SIPA1L3: variants seen among roughly 807,000 people sequenced by gnomAD.
The protein encoded by SIPA1L3 is signal induced proliferation associated 1 like 3.
A neutral mutation model predicts 150.1 loss-of-function variants in SIPA1L3; 59 were observed. That is an observed-to-expected ratio of 0.39 (90% CI 0.32 to 0.49). SIPA1L3 has a LOEUF of 0.49. Ranked by LOEUF, SIPA1L3 falls within the 20% of genes least tolerant of loss-of-function variation. The pLI is 0.86. For missense variants in SIPA1L3, 2,211 were observed against 2,489.5 expected (o/e 0.89, Z 2.38); for synonymous variants, 1,070 against 1,077.6 (o/e 0.99, Z 0.14).
chr19:37,962,006 A>G (rs1457962719), intron 1 of SIPA1L3, among the ~76,000 whole-genome samples: 2 of 151,478 alleles, frequency 1.3e-5, no homozygotes, highest in Admixed American at 6.6e-5. Context: ...ATGTTATTTT[A>G]TTTATCTTTG....
rs145081278 is a variant in SIPA1L3 at position 38,002,600 on chromosome 19, G to A, written c.-378-26489G>A. Among the ~76,000 whole-genome samples the A allele has an allele frequency of 2.9e-3, 435 of 151,380 alleles. 17 individuals carry two copies. The East Asian group carries it at 0.078, about 27-fold the overall frequency. ...ATACAAAAATTAGCTGGGAGTGGTG[G>A]CGTGCGCCTGTAATCCCAGGAGGCA... On this transcript the variant is annotated intron_variant, in intron 1 of 21. Transcript: ENST00000222345.
intron 2 of SIPA1L3, among the ~76,000 whole-genome samples, chr19:38,048,153 CA>C (rs1488008712): frequency 6.6e-6 from 1 of 152,114 alleles, no homozygotes; most frequent in Non-Finnish European, 1.5e-5. Context: ...TCTTGTTTAA[CA>C]ATTAAAAGAT....
At chr19:37,972,785 T>G (rs1568484677) in intron 1 of SIPA1L3, among the ~76,000 whole-genome samples, 1 of 152,178 alleles carries the variant, frequency 6.6e-6, no homozygotes, top group Non-Finnish European at 1.5e-5. Context: ...ATGAAAACTA[T>G]AGTTTGCCTA....
intron 13 of SIPA1L3, among the ~76,000 whole-genome samples, chr19:38,154,491 A>G (rs187701262): frequency 2.5e-3 from 374 of 152,268 alleles, no homozygotes; most frequent in African/African-American, 8.8e-3. Flanking sequence ...CTTGTCACCC[A>G]GGCTGGAGTG....
intron 2 of SIPA1L3, among the ~76,000 whole-genome samples, chr19:38,045,002 T>C (rs1321368140): frequency 6.6e-6 from 1 of 152,220 alleles, no homozygotes; most frequent in Admixed American, 6.5e-5. Flanking sequence ...TTTGATAGGC[T>C]TGAGCTGTTG....
chr19:37,942,309 C>T (rs1051409779), intron 1 of SIPA1L3, among the ~76,000 whole-genome samples: 11 of 151,546 alleles, frequency 7.3e-5, no homozygotes, highest in Non-Finnish European at 1.3e-4. Flanking sequence ...GAGAGAGACA[C>T]GCCTGGAAGT....
At chr19:38,106,232 G>A (rs552680309) in intron 6 of SIPA1L3, 5 of 304,872 alleles carry the variant, frequency 1.6e-5, no homozygotes, top group Non-Finnish European at 2.5e-5. Flanking sequence ...TCAGCCTCCC[G>A]AGTAGCTGGG....
chr19:37,981,168 T>A (rs1176342769), intron 1 of SIPA1L3, among the ~76,000 whole-genome samples: 1 of 152,116 alleles, frequency 6.6e-6, no homozygotes, highest in Non-Finnish European at 1.5e-5. Flanking sequence ...TGAAGTGCCT[T>A]ATGCCTGTAA....
At chr19:38,009,130 G>A (rs533635049) in intron 1 of SIPA1L3, among the ~76,000 whole-genome samples, 138 of 152,076 alleles carry the variant, frequency 9.1e-4, no homozygotes, top group African/African-American at 3.0e-3. Context: ...CGCCTCCCGG[G>A]TTCAAGTGAT....
chr19:37,927,395 A>G (rs953035106), intron 1 of SIPA1L3, among the ~76,000 whole-genome samples: 1 of 151,936 alleles, frequency 6.6e-6, no homozygotes, highest in African/African-American at 2.4e-5. Context: ...CAGGTGATCC[A>G]CCCACCTTGG....
At chr19:38,137,505 T>A (rs1049436894) in intron 10 of SIPA1L3, among the ~76,000 whole-genome samples, 1 of 140,280 alleles carries the variant, frequency 7.1e-6, no homozygotes, top group Admixed American at 7.1e-5. Context: ...TTTTTTTTTT[T>A]AGGAGATGGG....
At chr19:38,024,488 A>C (rs970604667) in intron 1 of SIPA1L3, among the ~76,000 whole-genome samples, 2 of 151,358 alleles carry the variant, frequency 1.3e-5, no homozygotes, top group African/African-American at 4.9e-5. Context: ...GGAGGACTGT[A>C]CTCAGGGGAG....
At chr19:37,928,073 TA>T (rs2046522259) in intron 1 of SIPA1L3, among the ~76,000 whole-genome samples, 1 of 152,202 alleles carries the variant, frequency 6.6e-6, no homozygotes, top group South Asian at 2.1e-4. Flanking sequence ...TTTGGGTAGA[TA>T]CCCAGAAATG....
chr19:38,048,058 G>A (rs879761596), intron 2 of SIPA1L3, among the ~76,000 whole-genome samples: 1 of 152,160 alleles, frequency 6.6e-6, no homozygotes, highest in African/African-American at 2.4e-5. Context: ...CATGCAGCCT[G>A]GGTGAACATT....
chr19:37,975,519 G>T (rs1368273492), intron 1 of SIPA1L3, among the ~76,000 whole-genome samples: 1 of 152,196 alleles, frequency 6.6e-6, no homozygotes, highest in Non-Finnish European at 1.5e-5. Flanking sequence ...TAAGATGGGA[G>T]TGATATTGGT....
chr19:38,122,234 A>C (rs571501496), intron 9 of SIPA1L3, among the ~76,000 whole-genome samples: 18 of 152,272 alleles, frequency 1.2e-4, no homozygotes, highest in Non-Finnish European at 2.4e-4. Flanking sequence ...AAAACAAACA[A>C]AAGCAAACTC....
intron 1 of SIPA1L3, among the ~76,000 whole-genome samples, chr19:37,965,714 G>A (rs1299246097): frequency 2.7e-5 from 3 of 109,336 alleles, no homozygotes; most frequent in Admixed American, 1.9e-4. Context: ...CCACCTCCCT[G>A]CCCCCACCCC....
intron 1 of SIPA1L3, among the ~76,000 whole-genome samples, chr19:37,977,615 A>C (rs893281116): frequency 6.6e-6 from 1 of 151,700 alleles, no homozygotes; most frequent in Non-Finnish European, 1.5e-5. Flanking sequence ...GGAACGAGGG[A>C]GAAACAGTTG....
chr19:38,084,021 T>C (rs1249428801), intron 3 of SIPA1L3, among the ~76,000 whole-genome samples: 1 of 150,610 alleles, frequency 6.6e-6, no homozygotes, highest in Admixed American at 6.6e-5. Flanking sequence ...AAATTGAGAA[T>C]TGCTTGTAAC....
Sources: gnomAD v4.1 joint callset for allele counts (sites outside exome capture counted in the v4.1 genomes callset) on GRCh38, gnomAD v4.1.1 for gene constraint, MANE v1.5 for transcripts, NCBI Gene and HGNC (gene_info 2026-07-23, HGNC 2026-07-21) for gene names.